Variants in DACH1 observed in about 807,000 individuals in gnomAD.
DACH1 encodes dachshund homolog 1.
DACH1 carries 12 observed loss-of-function variants against 54.2 expected under a neutral mutation model. The ratio of observed to expected loss-of-function variants is 0.22; its 90% CI spans 0.14 to 0.36. The LOEUF (loss-of-function observed/expected upper bound fraction) is 0.36. Among genes scored for constraint, DACH1 ranks in the 10% least tolerant of loss-of-function variants. The pLI, the probability that DACH1 is intolerant of heterozygous loss-of-function variation, is 1.00. For missense variants in DACH1, 805 were observed against 929.8 expected (o/e 0.87, Z 1.75); for synonymous variants, 386 against 366.2 (o/e 1.05, Z -0.62).
At chr13:71,573,527 T>A in intron 3 of DACH1, 1 of 676,810 alleles carries the variant, frequency 1.5e-6, no homozygotes, top group South Asian at 1.6e-5. Flanking sequence ...GTCCCTGGGA[T>A]GGGGAAGAGG....
At chr13:71,493,714 G>C (rs540533558) in intron 6 of DACH1, among the ~76,000 whole-genome samples, 1 of 152,186 alleles carries the variant, frequency 6.6e-6, no homozygotes, top group South Asian at 2.1e-4. Context: ...CCACACAAAT[G>C]TAAAATTCCA....
At chr13:71,854,726 CAGTT>C (rs1389600246) in intron 1 of DACH1, among the ~76,000 whole-genome samples, 2 of 152,138 alleles carry the variant, frequency 1.3e-5, no homozygotes, top group East Asian at 3.9e-4. Flanking sequence ...CCTTCCATCA[CAGTT>C]AGAGAGAGTG....
chr13:71,445,009 A>G (rs773566177), intron 10 of DACH1, among the ~76,000 whole-genome samples: 3 of 152,108 alleles, frequency 2.0e-5, no homozygotes, highest in Non-Finnish European at 4.4e-5. Flanking sequence ...CCTCAATACT[A>G]TCACCCTAAG....
chr13:71,515,496 A>T (rs1369058034), intron 6 of DACH1, among the ~76,000 whole-genome samples: 1 of 151,944 alleles, frequency 6.6e-6, no homozygotes, highest in Non-Finnish European at 1.5e-5. Flanking sequence ...TCTGAACCTG[A>T]CTTCATAAAT....
chr13:71,651,838 A>G (rs930193193), intron 2 of DACH1, among the ~76,000 whole-genome samples: 3 of 152,192 alleles, frequency 2.0e-5, no homozygotes. Flanking sequence ...TTGTACTAGT[A>G]TCTCACACAC....
chr13:71,460,810 C>A (rs773168478), intron 10 of DACH1, among the ~76,000 whole-genome samples: 3 of 152,172 alleles, frequency 2.0e-5, no homozygotes, highest in Non-Finnish European at 4.4e-5. Flanking sequence ...GACTCCACTG[C>A]TGGTAACCCT....
chr13:71,739,340 G>A (rs1253145767), intron 1 of DACH1, among the ~76,000 whole-genome samples: 3 of 152,090 alleles, frequency 2.0e-5, no homozygotes, highest in African/African-American at 7.2e-5. Flanking sequence ...TAAGGAAGAT[G>A]AGCTTGTGTG....
chr13:71,786,178 T>A (rs946274617), intron 1 of DACH1, among the ~76,000 whole-genome samples: 1 of 152,196 alleles, frequency 6.6e-6, no homozygotes, highest in African/African-American at 2.4e-5. Flanking sequence ...GAATCATCTA[T>A]TTTAGTTGAA....
At chr13:71,772,756 T>C (rs1885911810) in intron 1 of DACH1, among the ~76,000 whole-genome samples, 1 of 151,764 alleles carries the variant, frequency 6.6e-6, no homozygotes, top group Admixed American at 6.6e-5. Flanking sequence ...ATGAAAATTA[T>C]CATTTGAAAG....
intron 6 of DACH1, among the ~76,000 whole-genome samples, chr13:71,544,577 T>G (rs1407036189): frequency 1.3e-5 from 2 of 152,152 alleles, no homozygotes; most frequent in Admixed American, 6.6e-5. Context: ...AGATTATGAC[T>G]GCAAAACTTC....
rs184366213 is a variant in DACH1 at position 71,753,347 on chromosome 13, G to C, written c.849-71437C>G. 4.1e-4 allele frequency among the ~76,000 whole-genome samples: 63 copies of C among 152,172 alleles called. No homozygotes were observed. The East Asian group carries it at 8.7e-3, about 21-fold the overall frequency. On this transcript the variant is annotated intron_variant, in intron 1 of 10. Coordinates refer to ENST00000613252, the MANE Select transcript of DACH1 (RefSeq NM_080759.6). ...AGTCTACACAGTGTATTACAGATGA[G>C]GTACATTTCTTCTTACTGCACTCCT...
At chr13:71,588,864 A>G (rs1320567287) in intron 3 of DACH1, among the ~76,000 whole-genome samples, 1 of 151,998 alleles carries the variant, frequency 6.6e-6, no homozygotes, top group African/African-American at 2.4e-5. Flanking sequence ...CAATCCATAA[A>G]TGAAATGTAA....
chr13:71,486,339 ATAT>A (rs1390803770), intron 7 of DACH1, among the ~76,000 whole-genome samples: 2 of 152,144 alleles, frequency 1.3e-5, no homozygotes, highest in African/African-American at 4.8e-5. Flanking sequence ...ACCCTATTAT[ATAT>A]AATTGAAACT....
intron 1 of DACH1, among the ~76,000 whole-genome samples, chr13:71,771,464 T>C (rs1885851823): frequency 6.6e-6 from 1 of 151,518 alleles, no homozygotes; most frequent in South Asian, 2.1e-4. Context: ...CAAATCAGTA[T>C]GTCAATTTAA....
In DACH1 at chr13:71,488,981, T is replaced by C. The variant is rs1193552119; in HGVS notation, c.1722+16A>G. On this transcript the variant is annotated intron_variant, in intron 7 of 10. Transcript: ENST00000613252. ...GTGTTCCATATGTCTTTCTTCCAGG[T>C]TGTAAAAAGGCCTACCTGTATGTTA... The C allele has an allele frequency of 6.2e-6, 10 of 1,604,308 alleles. No homozygotes were observed. The highest frequency in any genetic ancestry group is 2.2e-5 in the South Asian group (2 of 89,084).
At chr13:71,652,848 T>C (rs1282628462) in intron 2 of DACH1, among the ~76,000 whole-genome samples, 1 of 152,196 alleles carries the variant, frequency 6.6e-6, no homozygotes, top group African/African-American at 2.4e-5. Flanking sequence ...AAACGTTAAC[T>C]TTTTGAATAA....
intron 3 of DACH1, among the ~76,000 whole-genome samples, chr13:71,612,008 G>T (rs955964874): frequency 6.6e-6 from 1 of 152,040 alleles, no homozygotes; most frequent in African/African-American, 2.4e-5. Context: ...TGAATAAAAA[G>T]GTATTAAACA....
chr13:71,588,906 G>C (rs968504048), intron 3 of DACH1, among the ~76,000 whole-genome samples: 3 of 151,792 alleles, frequency 2.0e-5, no homozygotes, highest in Non-Finnish European at 1.5e-5. Context: ...TATTTAAATG[G>C]AGCAAGTTGT....
rs201889116 is a variant in DACH1 at position 71,748,844 on chromosome 13, CTCTTTCTTTCTTTCTT to C, written c.849-66950_849-66935del. Reference sequence around the variant, plus strand: ...ACCTGAAATATAAAAAATATTTTTTCTCTTTCTTTCTTTCTTTCTTTCTTTCTTTCTTTCTTTCTTT... The same window carrying C: ...ACCTGAAATATAAAAAATATTTTTTCTCTTTCTTTCTTTCTTTCTTTCTTT... On this transcript the variant is annotated intron_variant, in intron 1 of 10. Coordinates refer to ENST00000613252, the MANE Select transcript of DACH1 (RefSeq NM_080759.6). Among the ~76,000 whole-genome samples, 252 of 131,200 alleles carry C rather than the reference CTCTTTCTTTCTTTCTT, an allele frequency of 1.9e-3. 3 individuals are homozygous for C. The highest frequency in any genetic ancestry group is 0.016 in the South Asian group (57 of 3,548). 86.1% of individuals were successfully genotyped at this position (131,200 alleles called of 152,430 possible).
Sources: allele counts gnomAD v4.1 joint callset (sites outside exome capture counted in the v4.1 genomes callset), GRCh38; gene constraint gnomAD v4.1.1; transcripts MANE v1.5; gene names NCBI Gene and HGNC (gene_info 2026-07-23, HGNC 2026-07-21).